Variants in LINS1 observed in about 807,000 individuals in gnomAD.
LINS1 encodes lines homolog 1, also known as protein Lines homolog 1.
Under a neutral mutation model 41.6 loss-of-function variants are expected in LINS1, and 27 were observed. That is an observed-to-expected ratio of 0.65 (90% confidence interval 0.48 to 0.89). LINS1 has a LOEUF of 0.89. Among genes scored for constraint, LINS1 ranks in the 40% least tolerant of loss-of-function variants. The probability of loss-of-function intolerance (pLI) is 0.00; values close to 1 mark genes in which losing one functional copy is unlikely to be tolerated. For synonymous variants in LINS1, 336 were observed against 312.9 expected (o/e 1.07, Z -0.78); for missense variants, 955 against 884.1 (o/e 1.08, Z -1.02).
At chr15:100,592,480 A>C (rs577870776) in intron 1 of LINS1, among the ~76,000 whole-genome samples, 95 of 152,132 alleles carry the variant, frequency 6.2e-4, no homozygotes, top group African/African-American at 2.2e-3. Context: ...AACTCTGAGC[A>C]TAGGGCTGAT....
chr15:100,583,869 T>C (rs191272988), intron 1 of LINS1, among the ~76,000 whole-genome samples: 1 of 152,330 alleles, frequency 6.6e-6, no homozygotes, highest in East Asian at 1.9e-4. Context: ...TCTAATTCCA[T>C]TGCACTTACT....
chr15:100,580,302 C>T lies in LINS1; in HGVS notation c.450G>A (p.Gln150=). Residue 150 remains glutamine, a synonymous_variant, in exon 3 of 7, where the codon CAG becomes CAA. Transcript: ENST00000314742. ...SDKLLSHMAA[Q]CLALLLYFQL... is the part of the protein sequence containing the mutation. ...GGAAATATAGAAGCAATGCAAGGCA[C>T]TGTGCAGCCATGTGAGATAACAATT... The T allele has an allele frequency of 1.2e-6, 2 of 1,612,856 alleles. No individual in the cohort carries two copies. The highest frequency in any genetic ancestry group is 1.7e-6 in the Non-Finnish European group (2 of 1,179,126).
intron 6 of LINS1, chr15:100,570,669 CAGAGAA>C (rs2037774634): frequency 6.6e-6 from 1 of 152,534 alleles, no homozygotes; most frequent in South Asian, 2.1e-4. Context: ...AACTGTGAGA[CAGAGAA>C]AAATTGAGAA....
In LINS1 at chr15:100,569,143, A is replaced by G. The variant is rs2141258194; in HGVS notation, c.*95T>C. ...GTCTCAAAAAAAAAAAAAAAAAAGA[A>G]AACCCTTTTATGGTGATGATTTTAT... On this transcript the variant is annotated 3_prime_UTR_variant, in exon 7 of 7. Coordinates refer to ENST00000314742, the MANE Select transcript of LINS1 (RefSeq NM_001040616.3). 4 of 800,976 alleles carry G rather than the reference A, an allele frequency of 5.0e-6. No homozygotes were observed. The highest frequency in any genetic ancestry group is 1.8e-5 in the South Asian group (1 of 55,750). 49.6% of individuals were successfully genotyped at this position (800,976 alleles called of 1,614,324 possible).
chr15:100,572,770 T>C (rs1164741939), intron 5 of LINS1: 1 of 979,860 alleles, frequency 1.0e-6, no homozygotes, highest in East Asian at 1.1e-4. Flanking sequence ...TGGAAGACTT[T>C]GAACTCCTGA....
rs368096700 is a variant in LINS1 at position 100,580,230 on chromosome 15, G to T, written c.489+33C>A. On this transcript the variant is annotated intron_variant, in intron 3 of 6. Transcript: ENST00000314742. ...TAAATTTAAAAAAAATTAAGAAAGA[G>T]AAATAATAACATACTTTGATTACTT... The T allele has an allele frequency of 5.9e-5, 85 of 1,451,082 alleles. No individual in the cohort carries two copies. The African/African-American group carries it at 9.7e-4, about 17-fold the overall frequency. The allele number at this position is 1,451,082 out of a possible 1,614,324, so 89.9% of individuals were successfully genotyped here.
chr15:100,571,610 T>C (rs1004455509), intron 6 of LINS1, among the ~76,000 whole-genome samples: 3 of 152,158 alleles, frequency 2.0e-5, no homozygotes, highest in African/African-American at 7.2e-5. Flanking sequence ...TGAACAACAA[T>C]TAAGATTCAG....
chr15:100,570,202 T>G, intron 6 of LINS1, 85 bp from the exon 7 acceptor site: 1 of 1,106,040 alleles, frequency 9.0e-7, no homozygotes, highest in Non-Finnish European at 1.3e-6. Context: ...ATACCATAAA[T>G]TAACCTATTA....
In LINS1 at chr15:100,580,739, G is replaced by A; in HGVS notation, c.104C>T (p.Ala35Val). The A allele has an allele frequency of 6.2e-7, 1 of 1,610,716 alleles. No individual in the cohort carries two copies. Among genetic ancestry groups the A allele is most frequent in the Non-Finnish European group, 8.5e-7 (1 of 1,177,386 alleles). ...TGTAGAACAATCTTGATCTGAAACT[G>A]CTGGGTTGAGATAAAAGATGTAATC... is the stretch of plus-strand genomic sequence containing the variant. ...SHDYIFYLNPAVSDQDCSTAT... is the reference protein window; with the variant it reads ...SHDYIFYLNPVVSDQDCSTAT... Residue 35 changes from alanine to valine, a missense_variant, in exon 2 of 7, where the codon GCA becomes GTA. Transcript: ENST00000314742.
chr15:100,572,427 T>G (rs1390265307), intron 5 of LINS1: 5 of 1,076,744 alleles, frequency 4.6e-6, no homozygotes, highest in Non-Finnish European at 4.5e-6. Flanking sequence ...GAGCTGTCTG[T>G]CCAAGAATGC....
At chr15:100,590,515 T>C (rs1298464645) in intron 1 of LINS1, among the ~76,000 whole-genome samples, 2 of 152,232 alleles carry the variant, frequency 1.3e-5, no homozygotes, top group South Asian at 2.1e-4. Context: ...CCTTTTTCCA[T>C]GGCCCTTTTC....
chr15:100,577,121 C>G (rs1193844759), intron 3 of LINS1, among the ~76,000 whole-genome samples: 1 of 152,196 alleles, frequency 6.6e-6, no homozygotes, highest in African/African-American at 2.4e-5. Flanking sequence ...TGGCACAAGA[C>G]AGGGATGCCC....
intron 1 of LINS1, among the ~76,000 whole-genome samples, chr15:100,599,844 T>C (rs1196945372): frequency 1.3e-5 from 2 of 152,130 alleles, no homozygotes; most frequent in Non-Finnish European, 2.9e-5. Context: ...GGCGGGTGGA[T>C]CACCTGAGGT....
At chr15:100,587,176 A>C (rs918503365) in intron 1 of LINS1, among the ~76,000 whole-genome samples, 9 of 150,334 alleles carry the variant, frequency 6.0e-5, no homozygotes, top group South Asian at 2.1e-4. Context: ...AAAAAAAAAA[A>C]AAAAAACATT....
In LINS1 at chr15:100,569,017, G is replaced by A. The variant is rs3751548; in HGVS notation, c.*221C>T. The A allele has an allele frequency of 5.1e-6, 2 of 395,180 alleles. No homozygotes were observed. Among genetic ancestry groups the A allele is most frequent in the East Asian group, 4.8e-5 (1 of 20,798 alleles). The allele number at this position is 395,180 out of a possible 1,614,324, so 24.5% of individuals were successfully genotyped here. A position where few individuals can be genotyped will look rare whatever the true frequency, so the allele number is the denominator to read the frequency against. On this transcript the variant is annotated 3_prime_UTR_variant, in exon 7 of 7. Coordinates refer to ENST00000314742, the MANE Select transcript of LINS1 (RefSeq NM_001040616.3). The stretch of plus-strand genomic sequence containing the variant: ...CGGGCACCTGTAATTCCAGCTACTC[G>A]GGAGACTGAGGCAGGAGAATTGCTT...
chr15:100,597,567 AT>A (rs2039301492), intron 1 of LINS1, among the ~76,000 whole-genome samples: 2 of 152,246 alleles, frequency 1.3e-5, no homozygotes, highest in Admixed American at 1.3e-4. Context: ...AATGCTAAGC[AT>A]TTTTAAAATA....
intron 5 of LINS1, chr15:100,573,358 T>A: frequency 8.1e-7 from 1 of 1,234,340 alleles, no homozygotes; most frequent in Non-Finnish European, 1.0e-6. Context: ...CTGTAAATAC[T>A]TGAATATGAA....
intron 3 of LINS1, among the ~76,000 whole-genome samples, chr15:100,578,334 A>G (rs562476666): frequency 6.6e-6 from 1 of 152,156 alleles, no homozygotes; most frequent in Non-Finnish European, 1.5e-5. Context: ...ACAAGAAAAA[A>G]ACAAACAACC....
chr15:100,572,382 T>C lies in LINS1; in HGVS notation c.1223-317A>G, dbSNP rs113644324. Reference sequence around the variant, plus strand: ...TTCTTGCTAAAAGCAGATAAATAAATGAGCAGACAACTAAGATCACTTCAT... The same window carrying C: ...TTCTTGCTAAAAGCAGATAAATAAACGAGCAGACAACTAAGATCACTTCAT... On this transcript the variant is annotated intron_variant, in intron 5 of 6. Transcript: ENST00000314742. The C allele has an allele frequency of 2.3e-3, 2,718 of 1,172,514 alleles. 55 individuals carry two copies. In the African/African-American group the frequency reaches 0.038, roughly 16 times the overall value. The allele number at this position is 1,172,514 out of a possible 1,614,324, so 72.6% of individuals were successfully genotyped here. A position where few individuals can be genotyped will look rare whatever the true frequency, so the allele number is the denominator to read the frequency against.
Sources: gnomAD v4.1 joint callset for allele counts (sites outside exome capture counted in the v4.1 genomes callset) on GRCh38, gnomAD v4.1.1 for gene constraint, MANE v1.5 for transcripts, NCBI Gene and HGNC (gene_info 2026-07-23, HGNC 2026-07-21) for gene names.